The following ADCY4 variants were observed in gnomAD, a reference collection of about 807,000 sequenced individuals.
ADCY4 encodes adenylate cyclase type 4.
ADCY4 carries 111 observed loss-of-function variants against 125.5 expected under a neutral mutation model. That is an observed-to-expected ratio of 0.88 (90% CI 0.76 to 1.04). The LOEUF (loss-of-function observed/expected upper bound fraction) is 1.04, where lower values mean the gene tolerates loss of function less well. Ranked by LOEUF, ADCY4 falls within the 50% of genes least tolerant of loss-of-function variation. The pLI is 0.00. For synonymous variants in ADCY4, 576 were observed against 586.9 expected (o/e 0.98, Z 0.27); for missense variants, 1,256 against 1,382.9 (o/e 0.91, Z 1.46).
rs1299261606 is a variant in ADCY4 at position 24,331,907 on chromosome 14, C to G, written c.550G>C (p.Gly184Arg). 1 of 1,579,638 alleles carries G rather than the reference C, an allele frequency of 6.3e-7. No homozygotes were observed. Among genetic ancestry groups the G allele is most frequent in the Non-Finnish European group, 8.7e-7 (1 of 1,155,232 alleles). The change falls in exon 4 of 25, where the codon GGG becomes CGG. Residue 184 changes from glycine to arginine, a missense_variant. Transcript: ENST00000418030. ...TTGTGGTACACTCCTGCCACGTTCC[C>G]GCACAGGAACAGCACTGCGTTTGCT... is the stretch of plus-strand genomic sequence containing the variant. ...LAANAVLFLCGNVAGVYHKAL... is the reference protein window; with the variant it reads ...LAANAVLFLCRNVAGVYHKAL...
chr14:24,329,354 G>A, intron 9 of ADCY4, 47 bp downstream of exon 9: 1 of 1,549,032 alleles, frequency 6.5e-7, no homozygotes, highest in Non-Finnish European at 8.7e-7. Flanking sequence ...GTTGGCTGTG[G>A]GGTGGTTTGT....
At chr14:24,322,823 G>A (rs1318367928) in intron 18 of ADCY4, 81 bp downstream of exon 18, 52 of 1,540,448 alleles carry the variant, frequency 3.4e-5, no homozygotes, top group Non-Finnish European at 4.2e-5. Context: ...ATTCAGGTCG[G>A]TGAGGCCAGG....
At position 24,329,885 on chromosome 14, in the gene ADCY4, G is replaced by C; in HGVS notation, c.1192C>G (p.His398Asp). ...VWSHDVTLAN[H>D]MEAGGVPGRV... ...CCTGGTACACCGCCTGCCTCCATGT[G>C]GTTAGCCAGTGTGACATCATGTGAC... Residue 398 changes from histidine to aspartate, a missense_variant, in exon 8 of 25, where the codon CAC becomes GAC. By Grantham distance (81) the His-to-Asp change is moderately conservative. Transcript: ENST00000418030. The C allele has an allele frequency of 6.2e-7, 1 of 1,614,016 alleles. No homozygotes were observed.
chr14:24,319,132 G>C lies in ADCY4; in HGVS notation c.2922C>G (p.Asn974Lys). The change falls in exon 23 of 25, where the codon AAC (asparagine) becomes AAG (lysine). Residue 974 changes from asparagine (N) to lysine (K), a missense_variant. Physicochemically the swap from Asn to Lys is moderately conservative, Grantham distance 94. Transcript: ENST00000418030. The surrounding 1 kb of genome is among the most constrained non-coding windows in gnomAD (Gnocchi z 4.5). ...VALGSKLDVI[N>K]KHSFNNFRLR... Reference sequence around the variant, plus strand: ...GGCGGAAGTTGTTGAATGAATGCTTGTTGATGACGTCCAGCTTAGACCCCA... The same window carrying C: ...GGCGGAAGTTGTTGAATGAATGCTTCTTGATGACGTCCAGCTTAGACCCCA... 6.2e-7 allele frequency: 1 copy of C among 1,614,056 alleles called. No homozygotes were observed. Among genetic ancestry groups the C allele is most frequent in the South Asian group, 1.1e-5 (1 of 91,086 alleles).
intron 16 of ADCY4, chr14:24,323,677 G>A (rs1490068991): frequency 2.2e-6 from 3 of 1,391,330 alleles, no homozygotes; most frequent in South Asian, 3.2e-5. Flanking sequence ...GAGCCACTGT[G>A]TGAGCTCTTG....
At chr14:24,321,744 G>C in intron 20 of ADCY4, 1 of 1,022,296 alleles carries the variant, frequency 9.8e-7, no homozygotes, top group South Asian at 4.2e-5. Context: ...GTTCCCAACA[G>C]GTCATGGACT....
At chr14:24,330,966 C>T (rs1025660365) in intron 6 of ADCY4, 52 bp downstream of exon 6, 2 of 1,530,438 alleles carry the variant, frequency 1.3e-6, no homozygotes, top group African/African-American at 1.4e-5. Context: ...AAGGGGCTAC[C>T]CAGGATGGGA....
intron 13 of ADCY4, 79 bp from the exon 14 acceptor site, chr14:24,325,553 G>T: frequency 1.5e-6 from 2 of 1,315,496 alleles, no homozygotes; most frequent in South Asian, 1.2e-5. Flanking sequence ...CAGGCAAGGG[G>T]TGGGCTCCTC....
chr14:24,320,620 GGC>G (rs1359243832), intron 20 of ADCY4, among the ~76,000 whole-genome samples: 1 of 152,124 alleles, frequency 6.6e-6, no homozygotes, highest in African/African-American at 2.4e-5. Flanking sequence ...CACAGCAGAG[GGC>G]CAGCAGATGA....
chr14:24,324,746 C>T lies in ADCY4; in HGVS notation c.1824-355G>A, dbSNP rs111944731. 6.8e-3 allele frequency among the ~76,000 whole-genome samples: 1,033 copies of T among 151,936 alleles called. 15 individuals carry two copies. Among genetic ancestry groups the T allele is most frequent in the African/African-American group, 0.023 (972 of 41,402 alleles). On this transcript the variant is annotated intron_variant, in intron 14 of 24. Transcript: ENST00000418030. Reference sequence around the variant, plus strand: ...TGAGGCGGAGTCTCGCTCTGTTGCCCTGGCTGGAGTGCAGTGGTGTGATCT... The same window carrying T: ...TGAGGCGGAGTCTCGCTCTGTTGCCTTGGCTGGAGTGCAGTGGTGTGATCT...
At position 24,329,044 on chromosome 14, in the gene ADCY4, G is replaced by C. The variant is rs772475330; in HGVS notation, c.1524+17C>G. On this transcript the variant is annotated intron_variant, in intron 10 of 24. Coordinates refer to ENST00000418030, the MANE Select transcript of ADCY4 (RefSeq NM_001198568.2). ...GATTTAACTAAGCTCTGGGGCTCAGGATGAAGGTGCACATACCGGGAGAGG... is the reference window on the plus strand; with the variant it reads ...GATTTAACTAAGCTCTGGGGCTCAGCATGAAGGTGCACATACCGGGAGAGG... 6.2e-7 allele frequency: 1 copy of C among 1,611,286 alleles called. No individual in the cohort carries two copies. Among genetic ancestry groups the C allele is most frequent in the Admixed American group, 1.7e-5 (1 of 59,924 alleles).
chr14:24,328,925 A>G (rs919496395), intron 10 of ADCY4, 136 bp downstream of exon 10: 113 of 1,146,824 alleles, frequency 9.9e-5, no homozygotes, highest in Non-Finnish European at 1.3e-4. Context: ...GTGACAAGAC[A>G]GTTCGGGACT....
rs574616359 is a variant in ADCY4 at position 24,318,405 on chromosome 14, C to T, written c.*11G>A. ...TCTCTTTATTGAGGTTCTTAGAAGG[C>T]GAGTGCAATCTCAGCCTAGGGTAGC... On this transcript the variant is annotated 3_prime_UTR_variant, in exon 25 of 25. Transcript: ENST00000418030. The T allele has an allele frequency of 6.8e-6, 11 of 1,612,946 alleles. No homozygotes were observed. The highest frequency in any genetic ancestry group is 2.7e-5 in the African/African-American group (2 of 75,020).
chr14:24,325,112 A>G (rs1395724821), intron 14 of ADCY4, among the ~76,000 whole-genome samples: 1 of 152,058 alleles, frequency 6.6e-6, no homozygotes, highest in Non-Finnish European at 1.5e-5. Flanking sequence ...TTCTCAATGG[A>G]AACAAACTGG....
At chr14:24,329,743 G>A (rs1347186874) in intron 8 of ADCY4, 117 bp downstream of exon 8, 4 of 1,483,536 alleles carry the variant, frequency 2.7e-6, no homozygotes, top group Non-Finnish European at 2.7e-6. Context: ...AGCCCCATAT[G>A]GGACTTATCT....
chr14:24,330,697 A>G, intron 6 of ADCY4: 1 of 358,876 alleles, frequency 2.8e-6, no homozygotes, highest in Non-Finnish European at 5.1e-6. Flanking sequence ...AGGGCCTCCT[A>G]AGGTTAGAAT....
chr14:24,322,842 G>T (rs2041876092), intron 18 of ADCY4, 62 bp downstream of exon 18: 1 of 1,545,252 alleles, frequency 6.5e-7, no homozygotes, highest in South Asian at 1.2e-5. Context: ...GGACAGCTCT[G>T]CTGTATCCCA....
Position 24,331,451 on chromosome 14 carries a change from AGGTGCTCCCCAG to A in ADCY4, c.670-107_670-96del, listed in dbSNP as rs1409664094. The A allele has an allele frequency of 3.3e-4, 516 of 1,542,976 alleles. 1 individual carries two copies. The East Asian group carries it at 4.2e-3, about 13-fold the overall frequency. ...CTCAGGAGCCCACACTGCCCATCCT[AGGTGCTCCCCAG>A]GGTGCTCCCCCAGGTCCTCCCGCTG... On this transcript the variant is annotated intron_variant, in intron 4 of 24. Transcript: ENST00000418030.
chr14:24,334,394 C>T (rs1034311495), intron 1 of ADCY4, 100 bp downstream of exon 1: 28 of 1,449,014 alleles, frequency 1.9e-5, no homozygotes, highest in Non-Finnish European at 2.5e-5. Flanking sequence ...TCTTTCTCTG[C>T]TCCCAGCAAC....
Sources: allele counts gnomAD v4.1 joint callset (sites outside exome capture counted in the v4.1 genomes callset), GRCh38; gene constraint gnomAD v4.1.1; non-coding constraint Gnocchi (gnomAD v3.1); transcripts MANE v1.5; gene names NCBI Gene and HGNC (gene_info 2026-07-23, HGNC 2026-07-21).